Variants in CNNM4 observed in about 807,000 individuals in gnomAD.
The protein encoded by CNNM4 is cyclin and CBS domain divalent metal cation transport mediator 4, also known as metal transporter CNNM4.
Under a neutral mutation model 53.7 loss-of-function variants are expected in CNNM4, and 32 were observed. The ratio of observed to expected loss-of-function variants is 0.60; its 90% CI spans 0.45 to 0.80. The LOEUF (loss-of-function observed/expected upper bound fraction) is 0.80. CNNM4 is among the 30% of genes least tolerant of loss of function. The pLI is 0.00. For missense variants in CNNM4, 784 were observed against 1,022.0 expected, an observed-to-expected ratio of 0.77 and a Z score of 3.17; for synonymous variants, 410 against 440.0, an observed-to-expected ratio of 0.93 and a Z score of 0.85.
chr2:96,796,580 AG>A (rs1342366542), intron 1 of CNNM4, among the ~76,000 whole-genome samples: 1 of 152,018 alleles, frequency 6.6e-6, no homozygotes, highest in African/African-American at 2.4e-5. Flanking sequence ...TGAGCAACAT[AG>A]CGAGATCCAT....
intron 1 of CNNM4, among the ~76,000 whole-genome samples, chr2:96,785,172 C>A (rs188707841): frequency 6.6e-6 from 1 of 152,268 alleles, no homozygotes; most frequent in South Asian, 2.1e-4. Context: ...GCCACTGTGC[C>A]CAGCATTTAC....
At chr2:96,773,098 C>A (rs1435710307) in intron 1 of CNNM4, among the ~76,000 whole-genome samples, 1 of 152,234 alleles carries the variant, frequency 6.6e-6, no homozygotes, top group Admixed American at 6.5e-5. Flanking sequence ...TGGACTGTCA[C>A]CAGGAGTCCT....
chr2:96,807,598 G>A (rs992868043), intron 5 of CNNM4, among the ~76,000 whole-genome samples: 1 of 151,908 alleles, frequency 6.6e-6, no homozygotes, highest in African/African-American at 2.4e-5. Context: ...ATCCAGGCGT[G>A]GTGTTGGGCA....
chr2:96,760,954 C>T lies in CNNM4; in HGVS notation c.-46C>T. 1.0e-6 allele frequency: 1 copy of T among 961,304 alleles called. No homozygotes were observed. The allele number at this position is 961,304 out of a possible 1,614,324, so 59.5% of individuals were successfully genotyped here. On this transcript the variant is annotated 5_prime_UTR_variant, in exon 1 of 7. Coordinates refer to ENST00000377075, the MANE Select transcript of CNNM4 (RefSeq NM_020184.4). ...GGAGCTGCGGTGCGGACCGGGGCCG[C>T]GCGGCGTGGCGCGGGGAGCGGCGGC... is the stretch of plus-strand genomic sequence containing the variant.
intron 1 of CNNM4, among the ~76,000 whole-genome samples, chr2:96,790,296 G>T (rs1378888387): frequency 1.3e-5 from 2 of 151,374 alleles, no homozygotes; most frequent in Non-Finnish European, 2.9e-5. Context: ...GTGAGCCACC[G>T]CACCCGGCCT....
At chr2:96,795,248 A>G (rs1269277190) in intron 1 of CNNM4, among the ~76,000 whole-genome samples, 1 of 152,214 alleles carries the variant, frequency 6.6e-6, no homozygotes, top group Non-Finnish European at 1.5e-5. Flanking sequence ...TCCAGCAGGC[A>G]CAGAGGCCTG....
chr2:96,801,637 CCACACACATGCAGAGAGACCACACA>C lies in CNNM4; in HGVS notation c.1948+1998_1948+2022del, dbSNP rs1254973819. 1.7e-4 allele frequency among the ~76,000 whole-genome samples: 25 copies of C among 147,006 alleles called. No individual in the cohort carries two copies. Among genetic ancestry groups the C allele is most frequent in the Non-Finnish European group, 3.4e-4 (23 of 66,806 alleles). On this transcript the variant is annotated intron_variant, in intron 5 of 6. Transcript: ENST00000377075. This position sits in a 1 kb window ranked among gnomAD's most constrained non-coding sequence, Gnocchi z 5.6. ...CACACAGAGACCACACGCAGAGAGA[CCACACACATGCAGAGAGACCACACA>C]CACACACACACAGAGACCACACGCA...
At position 96,761,679 on chromosome 2, in the gene CNNM4, G is replaced by T; in HGVS notation, c.680G>T (p.Arg227Leu). The change falls in exon 1 of 7, where the codon CGC (arginine) becomes CTC (leucine). Residue 227 changes from arginine to leucine, a missense_variant. This residue lies in a region of CNNM4 where 473 missense variants were observed against 624.6 expected (regional missense o/e 0.76). Transcript: ENST00000377075. This position sits in a 1 kb window ranked among gnomAD's most constrained non-coding sequence, Gnocchi z 6.0. ...AACTGTGGCACCGAGAAGGAGAGGC[G>T]CTATGCCCGCAAGATTGAGCCCATC... Reference protein sequence around the residue: ...VQNCGTEKERRYARKIEPIRR... With the variant: ...VQNCGTEKERLYARKIEPIRR... 1 of 1,610,534 alleles carries T rather than the reference G, an allele frequency of 6.2e-7. No homozygotes were observed. Among genetic ancestry groups the T allele is most frequent in the Non-Finnish European group, 8.5e-7 (1 of 1,179,996 alleles).
rs889522333 is a variant in CNNM4 at position 96,761,268 on chromosome 2, T to C, written c.269T>C (p.Leu90Pro). ...AGCCTGGGCAACATCTCCAGCAACC[T>C]GATCTCCTTCACCGAGGTGGACGAT... Reference protein sequence around the residue: ...GYSLGNISSNLISFTEVDDAE... With the variant: ...GYSLGNISSNPISFTEVDDAE... Residue 90 changes from leucine to proline, a missense_variant, in exon 1 of 7, where the codon CTG (leucine) becomes CCG (proline). Coordinates refer to ENST00000377075, the MANE Select transcript of CNNM4 (RefSeq NM_020184.4). The surrounding 1 kb of genome is among the most constrained non-coding windows in gnomAD (Gnocchi z 6.0). The C allele has an allele frequency of 6.2e-6, 10 of 1,613,966 alleles. No individual in the cohort carries two copies. Among genetic ancestry groups the C allele is most frequent in the Admixed American group, 3.3e-5 (2 of 60,008 alleles).
intron 1 of CNNM4, among the ~76,000 whole-genome samples, chr2:96,792,092 A>G (rs748383664): frequency 1.3e-5 from 2 of 151,868 alleles, no homozygotes; most frequent in African/African-American, 2.4e-5. Context: ...CATCTCTACT[A>G]AAAATACAAA....
intron 4 of CNNM4, 21 bp from the exon 5 acceptor site, chr2:96,799,531 T>C: frequency 1.3e-6 from 2 of 1,548,964 alleles, no homozygotes; most frequent in Non-Finnish European, 1.7e-6. Flanking sequence ...GGTCTCTAAC[T>C]CCAGCCCTGT....
intron 1 of CNNM4, among the ~76,000 whole-genome samples, chr2:96,786,778 CAAAAAAAAAAA>C (rs978560794): frequency 4.9e-5 from 2 of 40,480 alleles, no homozygotes; most frequent in Non-Finnish European, 8.7e-5. Context: ...GACTCTGTCT[CAAAAAAAAAAA>C]AAAAAAAAAA....
chr2:96,786,993 C>T (rs1408406647), intron 1 of CNNM4, among the ~76,000 whole-genome samples: 9 of 152,156 alleles, frequency 5.9e-5, no homozygotes, highest in Admixed American at 3.9e-4. Flanking sequence ...GTCCTTCCTA[C>T]TCTACTGTTT....
chr2:96,776,662 G>A lies in CNNM4; in HGVS notation c.1402+14261G>A, dbSNP rs558790754. Among the ~76,000 whole-genome samples, 3 of 152,234 alleles carry A rather than the reference G, an allele frequency of 2.0e-5. No homozygotes were observed. In the South Asian group the frequency reaches 6.2e-4, roughly 32 times the overall value. ...GGAGTCTCGCTCTCTCGCCCAGCCT[G>A]GAGTGCGGTGATGCATCTCGGCTCA... On this transcript the variant is annotated intron_variant, in intron 1 of 6. Transcript: ENST00000377075.
intron 1 of CNNM4, among the ~76,000 whole-genome samples, chr2:96,771,556 C>A (rs975476549): frequency 1.3e-5 from 2 of 151,712 alleles, no homozygotes; most frequent in Non-Finnish European, 2.9e-5. Context: ...TAGACAAATA[C>A]AAAAAATTTT....
chr2:96,794,500 G>A (rs530753860), intron 1 of CNNM4, among the ~76,000 whole-genome samples: 1 of 152,224 alleles, frequency 6.6e-6, no homozygotes, highest in East Asian at 1.9e-4. Context: ...TTCACTAATA[G>A]CGTATCTTGG....
rs560544770 is a variant in CNNM4 at position 96,801,740 on chromosome 2, C to T, written c.1948+2092C>T. ...ACACACATGCAGAGACCACACACAC[C>T]CAGAGACCACACACCCAGACACACA... On this transcript the variant is annotated intron_variant, in intron 5 of 6. Coordinates refer to ENST00000377075, the MANE Select transcript of CNNM4 (RefSeq NM_020184.4). The surrounding 1 kb of genome is among the most constrained non-coding windows in gnomAD (Gnocchi z 5.6). Among the ~76,000 whole-genome samples, 1 of 144,680 alleles carries T rather than the reference C, an allele frequency of 6.9e-6. No homozygotes were observed. Among genetic ancestry groups the T allele is most frequent in the Non-Finnish European group, 1.5e-5 (1 of 66,718 alleles). The allele number at this position is 144,680 out of a possible 152,430, so 94.9% of individuals were successfully genotyped here.
intron 1 of CNNM4, among the ~76,000 whole-genome samples, chr2:96,776,437 T>TC (rs1055867172): frequency 4.6e-5 from 7 of 152,180 alleles, no homozygotes; most frequent in African/African-American, 1.7e-4. Context: ...ATTGGGATAT[T>TC]CATCACCTTG....
chr2:96,808,494 T>G lies in CNNM4; in HGVS notation c.1949-67T>G. On this transcript the variant is annotated intron_variant, in intron 5 of 6. Coordinates refer to ENST00000377075, the MANE Select transcript of CNNM4 (RefSeq NM_020184.4). This position sits in a 1 kb window ranked among gnomAD's most constrained non-coding sequence, Gnocchi z 4.9. ...GTCCCTGGGCTTCCATGGGATGAGGTGAGACATGAGGGTGAGAGTGGGCAT... is the reference window on the plus strand; with the variant it reads ...GTCCCTGGGCTTCCATGGGATGAGGGGAGACATGAGGGTGAGAGTGGGCAT... 3 of 1,551,744 alleles carry G rather than the reference T, an allele frequency of 1.9e-6. No homozygotes were observed. Among genetic ancestry groups the G allele is most frequent in the Non-Finnish European group, 2.7e-6 (3 of 1,126,406 alleles).
Sources: gnomAD v4.1 joint callset for allele counts (sites outside exome capture counted in the v4.1 genomes callset) on GRCh38, gnomAD v4.1.1 for gene constraint, gnomAD v4.1.1 regional missense constraint, Gnocchi (gnomAD v3.1) non-coding constraint, MANE v1.5 for transcripts, NCBI Gene and HGNC (gene_info 2026-07-23, HGNC 2026-07-21) for gene names.